Variants in HS6ST3 observed in about 807,000 individuals in gnomAD.
HS6ST3 encodes the protein heparan-sulfate 6-O-sulfotransferase 3.
Under a neutral mutation model 36.7 loss-of-function variants are expected in HS6ST3, and 12 were observed. The observed-to-expected ratio is 0.33, with a 90% CI of 0.21 to 0.53. The LOEUF (loss-of-function observed/expected upper bound fraction) is 0.53, where lower values mean the gene tolerates loss of function less well. Ranked by LOEUF, HS6ST3 falls within the 20% of genes least tolerant of loss-of-function variation. The probability of loss-of-function intolerance (pLI) is 0.95; values close to 1 mark genes in which losing one functional copy is unlikely to be tolerated. For synonymous variants in HS6ST3, 240 were observed against 257.5 expected, an observed-to-expected ratio of 0.93 and a Z score of 0.65; for missense variants, 584 against 640.9, an observed-to-expected ratio of 0.91 and a Z score of 0.96.
At chr13:96,693,108 A>G (rs979759051) in intron 1 of HS6ST3, among the ~76,000 whole-genome samples, 1 of 152,116 alleles carries the variant, frequency 6.6e-6, no homozygotes, top group Non-Finnish European at 1.5e-5. Flanking sequence ...CCCTTCTTCT[A>G]TTACCTCACT....
chr13:96,138,358 G>A (rs192141408), intron 1 of HS6ST3, among the ~76,000 whole-genome samples: 14 of 150,394 alleles, frequency 9.3e-5, no homozygotes, highest in African/African-American at 2.9e-4. Flanking sequence ...TTGAGGTATG[G>A]TTGATATATA....
intron 1 of HS6ST3, among the ~76,000 whole-genome samples, chr13:96,210,845 C>T (rs955476689): frequency 1.1e-4 from 16 of 151,586 alleles, no homozygotes; most frequent in African/African-American, 3.9e-4. Flanking sequence ...CCGCCTGCTT[C>T]GGCCTCCCAA....
rs140922305 is a variant in HS6ST3, at chr13:96,833,041, A to T, written c.1259A>T (p.His420Leu). ...YAKDLFQQRY[H>L]HTKQLEHQRD... ...AAAGATCTCTTCCAGCAGCGCTACC[A>T]CCACACCAAGCAGCTAGAGCACCAG... The change falls in exon 2 of 2, where the codon CAC becomes CTC. Residue 420 changes from histidine (H) to leucine (L), a missense_variant. By Grantham distance (99) the His-to-Leu change is moderately conservative. This residue lies in a region of HS6ST3 where 360 missense variants were observed against 411.3 expected (regional missense o/e 0.88). Coordinates refer to ENST00000376705, the MANE Select transcript of HS6ST3 (RefSeq NM_153456.4). 3.2e-3 allele frequency: 5,193 copies of T among 1,613,696 alleles called. 10 individuals are homozygous for T. The highest frequency in any genetic ancestry group is 4.0e-3 in the Non-Finnish European group (4,701 of 1,180,010).
intron 1 of HS6ST3, among the ~76,000 whole-genome samples, chr13:96,204,940 GAACA>G (rs1369031669): frequency 6.6e-6 from 1 of 151,844 alleles, no homozygotes; most frequent in African/African-American, 2.4e-5. Flanking sequence ...AGAGAACCAA[GAACA>G]AACAAACTCG....
chr13:96,099,549 A>G (rs930723089), intron 1 of HS6ST3, among the ~76,000 whole-genome samples: 40 of 152,334 alleles, frequency 2.6e-4, no homozygotes, highest in African/African-American at 9.4e-4. Context: ...ACATGAAGCA[A>G]TCCTGCAGTG....
In HS6ST3 at chr13:96,619,522, A is replaced by G. The variant is rs57441729; in HGVS notation, c.708-212968A>G. 9.3e-3 allele frequency among the ~76,000 whole-genome samples: 1,423 copies of G among 152,264 alleles called. 27 individuals are homozygous for G. The highest frequency in any genetic ancestry group is 0.032 in the African/African-American group (1,325 of 41,556). Reference sequence around the variant, plus strand: ...ACCACCATAGTAACCAAATTTTAATACCTTCTGGGGATACAGGCATTTATA... The same window carrying G: ...ACCACCATAGTAACCAAATTTTAATGCCTTCTGGGGATACAGGCATTTATA... On this transcript the variant is annotated intron_variant, in intron 1 of 1. Coordinates refer to ENST00000376705, the MANE Select transcript of HS6ST3 (RefSeq NM_153456.4).
At chr13:96,720,964 T>A (rs1406512332) in intron 1 of HS6ST3, among the ~76,000 whole-genome samples, 1 of 152,216 alleles carries the variant, frequency 6.6e-6, no homozygotes, top group Non-Finnish European at 1.5e-5. Flanking sequence ...TGAAATACTA[T>A]ATAATGATAA....
At chr13:96,331,074 A>T (rs565353373) in intron 1 of HS6ST3, among the ~76,000 whole-genome samples, 27 of 152,118 alleles carry the variant, frequency 1.8e-4, no homozygotes, top group Non-Finnish European at 2.9e-4. Flanking sequence ...TATTCTAGTT[A>T]TACATTCTGT....
intron 1 of HS6ST3, among the ~76,000 whole-genome samples, chr13:96,097,084 T>A (rs2053794824): frequency 6.6e-6 from 1 of 152,200 alleles, no homozygotes; most frequent in African/African-American, 2.4e-5. Context: ...AGAGGTTAAA[T>A]TAAACCCTGT....
At chr13:96,559,750 C>T (rs1258183341) in intron 1 of HS6ST3, among the ~76,000 whole-genome samples, 1 of 151,234 alleles carries the variant, frequency 6.6e-6, no homozygotes, top group Non-Finnish European at 1.5e-5. Context: ...ATGGAGCTGT[C>T]CTTGAAGGAC....
intron 1 of HS6ST3, among the ~76,000 whole-genome samples, chr13:96,794,599 T>C (rs1212499064): frequency 1.3e-5 from 2 of 152,078 alleles, no homozygotes; most frequent in Non-Finnish European, 2.9e-5. Context: ...TGTGTATTTT[T>C]TTCCTCCCTC....
intron 1 of HS6ST3, among the ~76,000 whole-genome samples, chr13:96,416,709 C>T (rs2055534800): frequency 2.7e-5 from 4 of 146,688 alleles, no homozygotes; most frequent in Non-Finnish European, 6.0e-5. Context: ...ACTGTCCCTT[C>T]AAGGGCTTGC....
intron 1 of HS6ST3, among the ~76,000 whole-genome samples, chr13:96,812,153 C>G (rs902467125): frequency 2.0e-5 from 3 of 152,094 alleles, no homozygotes; most frequent in Non-Finnish European, 2.9e-5. Context: ...AATCTGCCAC[C>G]CACACAAGAT....
intron 1 of HS6ST3, among the ~76,000 whole-genome samples, chr13:96,560,284 A>C (rs1004633935): frequency 6.6e-6 from 1 of 152,216 alleles, no homozygotes; most frequent in Non-Finnish European, 1.5e-5. Context: ...TGAGAATTAA[A>C]TGATAGTTTG....
chr13:96,477,349 C>CA (rs2055869044), intron 1 of HS6ST3, among the ~76,000 whole-genome samples: 1 of 152,074 alleles, frequency 6.6e-6, no homozygotes, highest in Non-Finnish European at 1.5e-5. Flanking sequence ...GCAAGTAACA[C>CA]AAAAAACTAA....
chr13:96,829,296 C>G (rs1878717520), intron 1 of HS6ST3, among the ~76,000 whole-genome samples: 1 of 151,682 alleles, frequency 6.6e-6, no homozygotes, highest in Non-Finnish European at 1.5e-5. Flanking sequence ...AACTTCCCAA[C>G]TGCTCCAACT....
At chr13:96,817,164 C>T (rs1200176465) in intron 1 of HS6ST3, among the ~76,000 whole-genome samples, 1 of 151,894 alleles carries the variant, frequency 6.6e-6, no homozygotes, top group South Asian at 2.1e-4. Flanking sequence ...TGTCACCCTC[C>T]ATGGCTGTTT....
At chr13:96,318,522 G>A (rs983033366) in intron 1 of HS6ST3, among the ~76,000 whole-genome samples, 1 of 147,272 alleles carries the variant, frequency 6.8e-6, no homozygotes, top group African/African-American at 2.5e-5. Flanking sequence ...GACAGAGTGA[G>A]ACTCCTTCTC....
chr13:96,591,953 C>T (rs530700813), intron 1 of HS6ST3, among the ~76,000 whole-genome samples: 7 of 152,068 alleles, frequency 4.6e-5, no homozygotes, highest in African/African-American at 1.7e-4. Flanking sequence ...CAGTTGAAAT[C>T]ATCAAATGGT....
Sources: allele counts gnomAD v4.1 joint callset (sites outside exome capture counted in the v4.1 genomes callset), GRCh38; gene constraint gnomAD v4.1.1; regional missense constraint gnomAD v4.1.1; transcripts MANE v1.5; gene names NCBI Gene and HGNC (gene_info 2026-07-23, HGNC 2026-07-21).